The following THADA variants were observed in gnomAD, a reference collection of about 807,000 sequenced individuals.
The protein encoded by THADA is THADA armadillo repeat containing.
A neutral mutation model predicts 219.8 loss-of-function variants in THADA; 213 were observed. The ratio of observed to expected loss-of-function variants is 0.97; its 90% CI spans 0.87 to 1.09. THADA has a LOEUF of 1.09. Among genes scored for constraint, THADA ranks in the 50% least tolerant of loss-of-function variants. The pLI is 0.00. For synonymous variants in THADA, 1,018 were observed against 828.9 expected (o/e 1.23, Z -3.92); for missense variants, 2,956 against 2,311.3 (o/e 1.28, Z -5.72).
intron 35 of THADA, among the ~76,000 whole-genome samples, chr2:43,284,953 A>T (rs923382481): frequency 7.2e-5 from 11 of 152,194 alleles, no homozygotes; most frequent in African/African-American, 2.4e-4. Context: ...TTGAACTTGC[A>T]TGGGGCCCGT....
intron 20 of THADA, among the ~76,000 whole-genome samples, chr2:43,542,102 G>A (rs1221739017): frequency 6.6e-6 from 1 of 152,144 alleles, no homozygotes; most frequent in Non-Finnish European, 1.5e-5. Context: ...AGTTTTAGGA[G>A]TATTTTTGGT....
chr2:43,506,414 T>C (rs1291457685), intron 23 of THADA, among the ~76,000 whole-genome samples: 4 of 152,214 alleles, frequency 2.6e-5, no homozygotes, highest in Admixed American at 6.5e-5. Flanking sequence ...GAGGTACTAA[T>C]ATATATTACA....
At chr2:43,560,619 G>C (rs6730316) in intron 15 of THADA, among the ~76,000 whole-genome samples, 49,919 of 151,968 alleles carry the variant, frequency 0.33, 8,504 homozygotes, top group South Asian at 0.42. Flanking sequence ...TCTTTTGAAA[G>C]ATACTATATA....
At chr2:43,503,150 C>T (rs955188965) in intron 24 of THADA, among the ~76,000 whole-genome samples, 9 of 152,146 alleles carry the variant, frequency 5.9e-5, no homozygotes, top group African/African-American at 2.2e-4. Context: ...ACTTTGGAGA[C>T]AACATAACAG....
rs138764356 is a variant in THADA, at chr2:43,390,513, C to T, written c.4227+7458G>A. 1.4e-3 allele frequency among the ~76,000 whole-genome samples: 208 copies of T among 152,272 alleles called. 3 individuals are homozygous for T. Among genetic ancestry groups the T allele is most frequent in the Admixed American group, 0.011 (166 of 15,304 alleles). On this transcript the variant is annotated intron_variant, in intron 29 of 37. Transcript: ENST00000405975. ...AATTTTGCTCAAACGTTTCCAATGA[C>T]GACTATTCTGACATGCCAACTGCCC...
chr2:43,567,085 C>CTT (rs34061617), intron 14 of THADA, among the ~76,000 whole-genome samples: 5 of 144,162 alleles, frequency 3.5e-5, no homozygotes. Flanking sequence ...GATACGTACA[C>CTT]TTTTTTTTTT....
At chr2:43,331,497 T>C (rs1310269066) in intron 30 of THADA, among the ~76,000 whole-genome samples, 1 of 152,216 alleles carries the variant, frequency 6.6e-6, no homozygotes, top group African/African-American at 2.4e-5. Flanking sequence ...ACTAACTTCC[T>C]CTTAACTCCT....
intron 36 of THADA, among the ~76,000 whole-genome samples, chr2:43,233,758 G>T (rs1667714432): frequency 6.6e-6 from 1 of 152,112 alleles, no homozygotes; most frequent in African/African-American, 2.4e-5. Context: ...AGGCTCAGGG[G>T]TGTTGTCACT....
At chr2:43,393,764 T>C (rs570491075) in intron 29 of THADA, among the ~76,000 whole-genome samples, 2 of 148,258 alleles carry the variant, frequency 1.3e-5, no homozygotes, top group South Asian at 4.3e-4. Context: ...TATTTGTACA[T>C]AACAACAACA....
intron 29 of THADA, among the ~76,000 whole-genome samples, chr2:43,357,489 C>T (rs1669000040): frequency 6.6e-6 from 1 of 152,308 alleles, no homozygotes; most frequent in African/African-American, 2.4e-5. Context: ...GGAAGACACG[C>T]ACTTTCTTTA....
rs190490470 is a variant in THADA, at chr2:43,556,958, C to T, written c.2464-403G>A. Among the ~76,000 whole-genome samples, 17 of 152,216 alleles carry T rather than the reference C, an allele frequency of 1.1e-4. No homozygotes were observed. In the East Asian group the frequency reaches 3.1e-3, roughly 28 times the overall value. ...ATTAGCTGGGTGTAATGGTGCACAC[C>T]TGTAGTCCCAGCCATTCAAGAGGCT... On this transcript the variant is annotated intron_variant, in intron 16 of 37. Transcript: ENST00000405975.
intron 24 of THADA, among the ~76,000 whole-genome samples, chr2:43,500,816 C>A (rs1454812801): frequency 6.6e-6 from 1 of 152,084 alleles, no homozygotes; most frequent in South Asian, 2.1e-4. Context: ...ATCCATAAAA[C>A]AAATCCAAAA....
intron 22 of THADA, among the ~76,000 whole-genome samples, chr2:43,514,589 ATATGTATATTT>A (rs939864450): frequency 9.4e-6 from 1 of 106,910 alleles, no homozygotes; most frequent in Non-Finnish European, 1.8e-5. Context: ...TATATTTTAT[ATATGTATATTT>A]TATATATATT....
At chr2:43,554,883 A>G (rs1163889701) in intron 17 of THADA, among the ~76,000 whole-genome samples, 2 of 152,052 alleles carry the variant, frequency 1.3e-5, no homozygotes, top group Admixed American at 6.6e-5. Context: ...CAGATTTTAT[A>G]TTTTTTCAGA....
At chr2:43,363,184 A>C (rs946368308) in intron 29 of THADA, among the ~76,000 whole-genome samples, 2 of 152,258 alleles carry the variant, frequency 1.3e-5, no homozygotes, top group African/African-American at 4.8e-5. Context: ...CCAGGAACAT[A>C]GTCATCTGCT....
At chr2:43,282,086 C>T (rs995849215) in intron 35 of THADA, among the ~76,000 whole-genome samples, 1 of 152,164 alleles carries the variant, frequency 6.6e-6, no homozygotes, top group Non-Finnish European at 1.5e-5. Context: ...TTCTTGTAGG[C>T]ACAGGACCAA....
intron 26 of THADA, among the ~76,000 whole-genome samples, chr2:43,448,560 C>CTTTTTTTTTTTTTTTTTTTTTTT: frequency 9.6e-6 from 1 of 103,630 alleles, no homozygotes; most frequent in Non-Finnish European, 1.9e-5. Flanking sequence ...TTCTTCCTTT[C>CTTTTTTTTTTTTTTTTTTTTTTT]TTTTTTTTTT....
intron 22 of THADA, among the ~76,000 whole-genome samples, chr2:43,511,156 T>C (rs908875825): frequency 3.3e-5 from 5 of 152,146 alleles, no homozygotes; most frequent in African/African-American, 9.7e-5. Context: ...AAAACCAGCT[T>C]ATAGATAATG....
intron 30 of THADA, among the ~76,000 whole-genome samples, chr2:43,328,512 C>T (rs1222790116): frequency 6.6e-6 from 1 of 152,238 alleles, no homozygotes; most frequent in African/African-American, 2.4e-5. Context: ...ATCCTCCATG[C>T]CCTGCTCTGG....
Sources: gnomAD v4.1 joint callset for allele counts (sites outside exome capture counted in the v4.1 genomes callset) on GRCh38, gnomAD v4.1.1 for gene constraint, MANE v1.5 for transcripts, NCBI Gene and HGNC (gene_info 2026-07-23, HGNC 2026-07-21) for gene names.